The following GLMN variants were observed in gnomAD, a reference collection of about 807,000 sequenced individuals.
GLMN encodes the protein glomulin, FKBP associated protein.
A neutral mutation model predicts 87.8 loss-of-function variants in GLMN; 75 were observed. The ratio of observed to expected loss-of-function variants is 0.85; its 90% CI spans 0.71 to 1.04. GLMN has a LOEUF of 1.04. Ranked by LOEUF, GLMN falls within the 50% of genes least tolerant of loss-of-function variation. GLMN has a pLI of 0.00. For missense variants in GLMN, 588 were observed against 658.8 expected, an observed-to-expected ratio of 0.89 and a Z score of 1.18; for synonymous variants, 206 against 221.6, an observed-to-expected ratio of 0.93 and a Z score of 0.63.
chr1:92,268,314 GT>G (rs1655877098), intron 9 of GLMN, among the ~76,000 whole-genome samples, 179 bp from the exon 10 acceptor site: 1 of 152,142 alleles, frequency 6.6e-6, no homozygotes, highest in Non-Finnish European at 1.5e-5. Flanking sequence ...CTGTCTTTCG[GT>G]TTGGCTAAGG....
At chr1:92,329,863 G>T in the GLMN span, among the ~76,000 whole-genome samples, 1 of 152,112 alleles carries the variant, frequency 6.6e-6, no homozygotes, top group South Asian at 2.1e-4. Context: ...ATTGGTCATG[G>T]TCTCATCATA....
chr1:92,320,699 C>A, the GLMN span: 8 of 1,324,824 alleles, frequency 6.0e-6, no homozygotes, highest in African/African-American at 1.4e-5. Flanking sequence ...TAGGAGTGAA[C>A]CAGGTGATAT....
In GLMN at chr1:92,246,557, G is replaced by A; in HGVS notation, c.1758C>T (p.Thr586=). ...ACTTTATCCCAATATTTTCTTCAGA[G>A]GTAGACTTTGTTTTTATTTCAATGA... ...EELIEIKTKS[T]SEENIGIK is the part of the protein sequence containing the mutation. Residue 586 remains threonine, a synonymous_variant, in exon 19 of 19, where the codon ACC becomes ACT. Transcript: ENST00000370360. 6.7e-7 allele frequency: 1 copy of A among 1,495,864 alleles called. No individual in the cohort carries two copies. Among genetic ancestry groups the A allele is most frequent in the Non-Finnish European group, 9.3e-7 (1 of 1,072,154 alleles). The allele number at this position is 1,495,864 out of a possible 1,614,324, so 92.7% of individuals were successfully genotyped here.
At chr1:92,324,009 G>A in the GLMN span, 4 of 1,614,036 alleles carry the variant, frequency 2.5e-6, no homozygotes, top group Admixed American at 3.3e-5. Context: ...AAGTTGGAAA[G>A]AGAAACTTAC....
At chr1:92,359,570 T>C in the GLMN span, among the ~76,000 whole-genome samples, 1 of 152,260 alleles carries the variant, frequency 6.6e-6, no homozygotes, top group East Asian at 1.9e-4. Context: ...TTCACCCGCC[T>C]TGGCCTCCCA....
the GLMN span, among the ~76,000 whole-genome samples, chr1:92,341,054 G>C: frequency 6.6e-6 from 1 of 151,996 alleles, no homozygotes; most frequent in South Asian, 2.1e-4. Flanking sequence ...TGTCACCCAG[G>C]TTGGACTGCC....
intron 16 of GLMN, among the ~76,000 whole-genome samples, chr1:92,253,054 C>A (rs1371986697): frequency 6.6e-6 from 1 of 152,184 alleles, no homozygotes; most frequent in Non-Finnish European, 1.5e-5. Flanking sequence ...ACCCAGGTTT[C>A]CCCTTTCTTC....
At chr1:92,334,630 C>G in the GLMN span, among the ~76,000 whole-genome samples, 1 of 151,962 alleles carries the variant, frequency 6.6e-6, no homozygotes, top group Non-Finnish European at 1.5e-5. Context: ...AGGGGATCAC[C>G]TGAAGCCAGG....
At chr1:92,363,215 A>C in the GLMN span, among the ~76,000 whole-genome samples, 4 of 152,282 alleles carry the variant, frequency 2.6e-5, no homozygotes, top group South Asian at 8.3e-4. Flanking sequence ...TAGGAAAGAG[A>C]TTGAACAGTA....
At position 92,260,731 on chromosome 1, in the gene GLMN, G is replaced by C. The variant is rs988374259; in HGVS notation, c.1473+2132C>G. ...CATGACTGCCACTGTACTCCAGCCT[G>C]GGCAATACAGTGAGACACTGTCTCT... On this transcript the variant is annotated intron_variant, in intron 16 of 18. Transcript: ENST00000370360. Among the ~76,000 whole-genome samples, 3 of 148,620 alleles carry C rather than the reference G, an allele frequency of 2.0e-5. No homozygotes were observed. In the Admixed American group the frequency reaches 2.0e-4, roughly 10 times the overall value.
the GLMN span, among the ~76,000 whole-genome samples, chr1:92,328,493 T>C: frequency 5.3e-5 from 8 of 152,216 alleles, no homozygotes; most frequent in Admixed American, 2.6e-4. Context: ...TTTCCCAAAG[T>C]TGTGATAGTT....
In GLMN at chr1:92,247,073, T is replaced by C; in HGVS notation, c.1657A>G (p.Met553Val). The change falls in exon 18 of 19, where the codon ATG (methionine) becomes GTG (valine). Residue 553 changes from methionine (M) to valine (V), a missense_variant. Physicochemically the swap from Met to Val is conservative, Grantham distance 21. Coordinates refer to ENST00000370360, the MANE Select transcript of GLMN (RefSeq NM_053274.3). ...AAATTTCAGATCACCTTAAGCTGCATTTCAGGAGGCATATTAGGGATCTCT... is the reference window on the plus strand; with the variant it reads ...AAATTTCAGATCACCTTAAGCTGCACTTCAGGAGGCATATTAGGGATCTCT... ...GEEIPNMPPEMQLKVLHSALF... is the reference protein window; with the variant it reads ...GEEIPNMPPEVQLKVLHSALF... The C allele has an allele frequency of 6.6e-7, 1 of 1,525,732 alleles. No homozygotes were observed. The highest frequency in any genetic ancestry group is 9.1e-7 in the Non-Finnish European group (1 of 1,100,348). The allele number at this position is 1,525,732 out of a possible 1,614,324, so 94.5% of individuals were successfully genotyped here.
intron 3 of GLMN, 137 bp downstream of exon 3, chr1:92,297,267 C>T (rs1650199945): frequency 8.2e-7 from 1 of 1,226,146 alleles, no homozygotes; most frequent in Admixed American, 1.8e-5. Context: ...ATTTCTAATT[C>T]TTTTTTTGTT....
At chr1:92,357,094 T>TAC in the GLMN span, among the ~76,000 whole-genome samples, 68,989 of 144,582 alleles carry the variant, frequency 0.48, 16,954 homozygotes, top group East Asian at 0.93. Flanking sequence ...AAGGATTACA[T>TAC]ACACACACAC....
At chr1:92,265,989 T>C (rs1655592605) in intron 13 of GLMN, among the ~76,000 whole-genome samples, 1 of 152,192 alleles carries the variant, frequency 6.6e-6, no homozygotes, top group Admixed American at 6.5e-5. Context: ...TAGAATCTTA[T>C]CCACCTCAAA....
At chr1:92,335,231 G>A in the GLMN span, among the ~76,000 whole-genome samples, 1 of 152,136 alleles carries the variant, frequency 6.6e-6, no homozygotes, top group African/African-American at 2.4e-5. Context: ...TTATGCCACT[G>A]CACTCCAGCC....
the GLMN span, chr1:92,323,675 C>T: frequency 6.8e-6 from 11 of 1,613,578 alleles, no homozygotes; most frequent in Non-Finnish European, 8.5e-6. Context: ...AAAAAGAAAG[C>T]TGGTCACAAA....
chr1:92,329,280 G>A, the GLMN span, among the ~76,000 whole-genome samples: 1 of 152,134 alleles, frequency 6.6e-6, no homozygotes, highest in Non-Finnish European at 1.5e-5. Flanking sequence ...TCAGGTGGGG[G>A]TACCATTGTG....
At chr1:92,334,999 TAAAAATAA>T in the GLMN span, among the ~76,000 whole-genome samples, 1 of 151,136 alleles carries the variant, frequency 6.6e-6, no homozygotes, top group South Asian at 2.1e-4. Flanking sequence ...AAAAAATAAA[TAAAAATAA>T]AAATTAATCG....
Sources: gnomAD v4.1 joint callset for allele counts (sites outside exome capture counted in the v4.1 genomes callset) on GRCh38, gnomAD v4.1.1 for gene constraint, MANE v1.5 for transcripts, NCBI Gene and HGNC (gene_info 2026-07-23, HGNC 2026-07-21) for gene names.